LAPTM4B: variants seen among roughly 807,000 people sequenced by gnomAD.
LAPTM4B encodes lysosomal protein transmembrane 4 beta.
In LAPTM4B, 26 loss-of-function variants were observed where a neutral mutation model predicts 28.5. The observed-to-expected ratio is 0.91, with a 90% CI of 0.67 to 1.27. The LOEUF is 1.27. LAPTM4B is among the 50% of genes most tolerant of loss of function. The pLI, the probability that LAPTM4B is intolerant of heterozygous loss-of-function variation, is 0.00. For missense variants in LAPTM4B, 288 were observed against 285.8 expected (o/e 1.01, Z -0.06); for synonymous variants, 109 against 106.4 (o/e 1.02, Z -0.15).
At chr8:97,821,930 A>AAAAT (rs905430309) in intron 5 of LAPTM4B, among the ~76,000 whole-genome samples, 1 of 152,214 alleles carries the variant, frequency 6.6e-6, no homozygotes, top group African/African-American at 2.4e-5. Flanking sequence ...AATAAAAACA[A>AAAAT]AAATAAATAA....
chr8:97,836,009 C>G (rs929933339), intron 6 of LAPTM4B, among the ~76,000 whole-genome samples: 6 of 152,110 alleles, frequency 3.9e-5, no homozygotes, highest in Non-Finnish European at 8.8e-5. Context: ...CTGCATGCTC[C>G]TTTTGAGAAT....
chr8:97,805,981 C>A (rs148314353), intron 2 of LAPTM4B, among the ~76,000 whole-genome samples: 1 of 152,118 alleles, frequency 6.6e-6, no homozygotes, highest in Non-Finnish European at 1.5e-5. Context: ...GCAGCCTCAT[C>A]ATTTTATAAT....
At chr8:97,803,707 G>C (rs1816722423) in intron 1 of LAPTM4B, among the ~76,000 whole-genome samples, 2 of 152,112 alleles carry the variant, frequency 1.3e-5, no homozygotes, top group Non-Finnish European at 1.5e-5. Context: ...GGAGTGCAGT[G>C]GCGCATCAGC....
chr8:97,807,673 AG>A (rs1816774577), intron 2 of LAPTM4B, among the ~76,000 whole-genome samples: 1 of 152,186 alleles, frequency 6.6e-6, no homozygotes, highest in African/African-American at 2.4e-5. Flanking sequence ...AATTTCTGTT[AG>A]GGAAAGAGTA....
chr8:97,826,181 A>G (rs1194866107), intron 6 of LAPTM4B, among the ~76,000 whole-genome samples: 1 of 152,194 alleles, frequency 6.6e-6, no homozygotes, highest in Non-Finnish European at 1.5e-5. Flanking sequence ...ACTCTGTGTG[A>G]TAGCTAAAGC....
chr8:97,784,176 G>A (rs1382545359), intron 1 of LAPTM4B, among the ~76,000 whole-genome samples: 7 of 152,108 alleles, frequency 4.6e-5, no homozygotes, highest in Non-Finnish European at 8.8e-5. Flanking sequence ...CATGATAGGT[G>A]GTGATATGTT....
At chr8:97,795,403 A>G (rs1236940838) in intron 1 of LAPTM4B, among the ~76,000 whole-genome samples, 1 of 152,180 alleles carries the variant, frequency 6.6e-6, no homozygotes, top group Non-Finnish European at 1.5e-5. Flanking sequence ...TATTTTTTAA[A>G]TTGTGAATCA....
chr8:97,805,954 C>T (rs1409465879), intron 2 of LAPTM4B, among the ~76,000 whole-genome samples: 1 of 152,108 alleles, frequency 6.6e-6, no homozygotes, highest in African/African-American at 2.4e-5. Context: ...AGCTAGGCTC[C>T]CAGCTTGAAG....
At chr8:97,802,605 T>G (rs2129765149) in intron 1 of LAPTM4B, among the ~76,000 whole-genome samples, 1 of 152,288 alleles carries the variant, frequency 6.6e-6, no homozygotes, top group East Asian at 1.9e-4. Context: ...ACCTCCTATC[T>G]CATCCTGTGA....
At position 97,805,324 on chromosome 8, in the gene LAPTM4B, C is replaced by CTTTTT. The variant is rs386413439; in HGVS notation, c.100-15_100-11dup. On this transcript the variant is annotated intron_variant, in intron 1 of 6. Transcript: ENST00000521545. Reference sequence around the variant, plus strand: ...ATTGCATCCTGGGGTTACTTAAATTCTTTTTTTTTTTTTTTTTTCTTGTTG... The same window carrying CTTTTT: ...ATTGCATCCTGGGGTTACTTAAATTCTTTTTTTTTTTTTTTTTTTTTTTCTTGTTG... 621 of 843,202 alleles carry CTTTTT rather than the reference C, an allele frequency of 7.4e-4. 1 individual carries two copies. The highest frequency in any genetic ancestry group is 1.8e-3 in the South Asian group (105 of 58,628). 52.2% of individuals were successfully genotyped at this position (843,202 alleles called of 1,614,324 possible). A position where few individuals can be genotyped will look rare whatever the true frequency, so the allele number is the denominator to read the frequency against.
At chr8:97,776,483 T>C (rs984312926) in intron 1 of LAPTM4B, among the ~76,000 whole-genome samples, 3 of 152,250 alleles carry the variant, frequency 2.0e-5, no homozygotes, top group Non-Finnish European at 4.4e-5. Context: ...TTAAAGCCCG[T>C]GGGCTTTGTG....
chr8:97,779,130 G>A (rs998319718), intron 1 of LAPTM4B, among the ~76,000 whole-genome samples: 1 of 152,138 alleles, frequency 6.6e-6, no homozygotes, highest in Non-Finnish European at 1.5e-5. Context: ...GTTCGAAGCT[G>A]CAGTGAGCTG....
At chr8:97,795,633 G>A (rs1340362261) in intron 1 of LAPTM4B, among the ~76,000 whole-genome samples, 2 of 151,786 alleles carry the variant, frequency 1.3e-5, no homozygotes, top group South Asian at 2.1e-4. Flanking sequence ...TGGGTGGATC[G>A]CTTGAGGTCA....
At chr8:97,847,623 T>C (rs1362975079) in intron 6 of LAPTM4B, among the ~76,000 whole-genome samples, 2 of 152,312 alleles carry the variant, frequency 1.3e-5, no homozygotes, top group East Asian at 3.9e-4. Context: ...CTGATCCTTG[T>C]AGAAAAGAAA....
At chr8:97,802,252 C>T (rs1816694353) in intron 1 of LAPTM4B, among the ~76,000 whole-genome samples, 1 of 152,074 alleles carries the variant, frequency 6.6e-6, no homozygotes, top group Non-Finnish European at 1.5e-5. Context: ...GACTGCTCGA[C>T]TGATAATACT....
intron 1 of LAPTM4B, among the ~76,000 whole-genome samples, chr8:97,803,279 T>C (rs1277151903): frequency 6.7e-6 from 1 of 149,564 alleles, no homozygotes; most frequent in Non-Finnish European, 1.5e-5. Flanking sequence ...AAAAATGAAC[T>C]TTTTTTTTTC....
intron 1 of LAPTM4B, among the ~76,000 whole-genome samples, chr8:97,783,055 G>A (rs1362473916): frequency 6.9e-6 from 1 of 145,180 alleles, no homozygotes; most frequent in Non-Finnish European, 1.5e-5. Context: ...TTACAAGTGT[G>A]AGCCACCGCG....
At position 97,808,819 on chromosome 8, in the gene LAPTM4B, G is replaced by A. The variant is rs141588803; in HGVS notation, c.211+3355G>A. ...ACTAAAAATACAAAAAAAGTAGCCA[G>A]GTGTGGTGGCGTGTGTCTGTGGTCC... On this transcript the variant is annotated intron_variant, in intron 2 of 6. Transcript: ENST00000521545. Among the ~76,000 whole-genome samples, 928 of 152,146 alleles carry A rather than the reference G, an allele frequency of 6.1e-3. 7 individuals carry two copies. The highest frequency in any genetic ancestry group is 0.021 in the African/African-American group (874 of 41,514).
At chr8:97,843,715 G>C (rs940447582) in intron 6 of LAPTM4B, among the ~76,000 whole-genome samples, 1 of 152,006 alleles carries the variant, frequency 6.6e-6, no homozygotes, top group Non-Finnish European at 1.5e-5. Flanking sequence ...AGGAGACAGA[G>C]GTTGCATGAG....
Sources: gnomAD v4.1 joint callset for allele counts (sites outside exome capture counted in the v4.1 genomes callset) on GRCh38, gnomAD v4.1.1 for gene constraint, MANE v1.5 for transcripts, NCBI Gene and HGNC (gene_info 2026-07-23, HGNC 2026-07-21) for gene names.